KIF20B: variants seen among roughly 807,000 people sequenced by gnomAD.
KIF20B encodes the protein kinesin family member 20B.
KIF20B carries 188 observed loss-of-function variants against 232.5 expected under a neutral mutation model. The ratio of observed to expected loss-of-function variants is 0.81; its 90% confidence interval spans 0.72 to 0.91. The LOEUF (loss-of-function observed/expected upper bound fraction) is 0.91, where lower values mean the gene tolerates loss of function less well. Among genes scored for constraint, KIF20B ranks in the 40% least tolerant of loss-of-function variants. KIF20B has a pLI of 0.00. For synonymous variants in KIF20B, 712 were observed against 683.0 expected, an observed-to-expected ratio of 1.04 and a Z score of -0.66; for missense variants, 2,154 against 2,055.9, an observed-to-expected ratio of 1.05 and a Z score of -0.92.
chr10:89,739,899 T>A (rs1263383802), intron 21 of KIF20B, among the ~76,000 whole-genome samples: 1 of 152,216 alleles, frequency 6.6e-6, no homozygotes, highest in African/African-American at 2.4e-5. Flanking sequence ...TGTACAGTCG[T>A]AATTAATCAT....
chr10:89,739,488 A>T (rs1452226146), intron 21 of KIF20B, among the ~76,000 whole-genome samples: 1 of 121,644 alleles, frequency 8.2e-6, no homozygotes, highest in Non-Finnish European at 1.7e-5. Flanking sequence ...AATATAATAG[A>T]TGTATACAAT....
chr10:89,762,877 A>G, intron 29 of KIF20B, 42 bp downstream of exon 29: 1 of 1,401,930 alleles, frequency 7.1e-7, no homozygotes. Context: ...AACAAATCTT[A>G]TTATAAAGCT....
At chr10:89,731,575 C>T (rs561466029) in intron 18 of KIF20B, among the ~76,000 whole-genome samples, 4 of 152,286 alleles carry the variant, frequency 2.6e-5, no homozygotes, top group East Asian at 1.9e-4. Flanking sequence ...GCTTTTTCTA[C>T]CCAAGCATAC....
chr10:89,736,529 A>C (rs549516785), intron 19 of KIF20B, among the ~76,000 whole-genome samples: 49 of 152,292 alleles, frequency 3.2e-4, no homozygotes, highest in African/African-American at 1.1e-3. Context: ...TACAACATTT[A>C]TGTAGTCATT....
intron 19 of KIF20B, among the ~76,000 whole-genome samples, chr10:89,734,473 A>C (rs1564665585): frequency 6.6e-6 from 1 of 152,166 alleles, no homozygotes; most frequent in Admixed American, 6.5e-5. Context: ...AAACAATCAC[A>C]TAAGTTTTTT....
intron 20 of KIF20B, 121 bp downstream of exon 20, chr10:89,738,738 A>G: frequency 7.7e-7 from 1 of 1,291,990 alleles, no homozygotes. Flanking sequence ...TGATGAGTGA[A>G]GAACTTGAAC....
At position 89,758,863 on chromosome 10, in the gene KIF20B, T is replaced by C. The variant is rs146822498; in HGVS notation, c.4661T>C (p.Ile1554Thr). The C allele has an allele frequency of 5.7e-6, 9 of 1,570,366 alleles. No individual in the cohort carries two copies. In the Admixed American group the frequency reaches 7.5e-5, roughly 13 times the overall value. The change falls in exon 27 of 33, where the codon ATA becomes ACA. Residue 1554 changes from isoleucine (I) to threonine (T), a missense_variant. Transcript: ENST00000371728. ...DNEIEQLKRIISETSKIETQI... is the reference protein window; with the variant it reads ...DNEIEQLKRITSETSKIETQI... Reference sequence around the variant, plus strand: ...GAAATTGAACAACTAAAAAGGATCATATCAGAGACTTCTAAAATAGTCAGT... The same window carrying C: ...GAAATTGAACAACTAAAAAGGATCACATCAGAGACTTCTAAAATAGTCAGT...
chr10:89,747,089 A>G (rs1397031976), intron 23 of KIF20B, among the ~76,000 whole-genome samples: 1 of 152,242 alleles, frequency 6.6e-6, no homozygotes, highest in Non-Finnish European at 1.5e-5. Flanking sequence ...CTGAACGGAC[A>G]CTTCTCAAAA....
At chr10:89,734,004 A>G (rs547571629) in intron 19 of KIF20B, among the ~76,000 whole-genome samples, 2 of 152,244 alleles carry the variant, frequency 1.3e-5, no homozygotes, top group African/African-American at 2.4e-5. Context: ...GATAAATTCT[A>G]GATGGGACAG....
At chr10:89,760,494 T>C in intron 27 of KIF20B, 32 bp from the exon 28 acceptor site, 1 of 1,274,152 alleles carries the variant, frequency 7.8e-7, no homozygotes, top group Non-Finnish European at 1.1e-6. Flanking sequence ...CAGGTTACAA[T>C]GCCCTGTTGC....
intron 29 of KIF20B, among the ~76,000 whole-genome samples, chr10:89,767,219 G>A (rs1487192479): frequency 7.0e-6 from 1 of 142,606 alleles, no homozygotes; most frequent in Non-Finnish European, 1.5e-5. Flanking sequence ...TCTGTGGTAT[G>A]TGTGCAGAAT....
chr10:89,706,722 G>A (rs940405971), intron 2 of KIF20B, among the ~76,000 whole-genome samples: 2 of 151,692 alleles, frequency 1.3e-5, no homozygotes, highest in African/African-American at 4.8e-5. Flanking sequence ...TTTACAAACG[G>A]CTGTGTATAT....
In KIF20B at chr10:89,758,734, A is replaced by G; in HGVS notation, c.4532A>G (p.Lys1511Arg). 1.9e-6 allele frequency: 3 copies of G among 1,602,470 alleles called. No individual in the cohort carries two copies. The highest frequency in any genetic ancestry group is 1.1e-5 in the South Asian group (1 of 88,470). The change falls in exon 27 of 33, where the codon AAA (lysine) becomes AGA (arginine). Residue 1511 changes from lysine (K) to arginine (R), a missense_variant. Lys to Arg is a conservative substitution (Grantham distance 26, BLOSUM62 2). Transcript: ENST00000371728. The part of the protein sequence containing the change: ...MEILTAQLTE[K>R]DSDLQKWREE... ...ATACTGACAGCCCAGCTGACAGAGA[A>G]AGATAGTGACCTTCAAAAGTGGCGA...
intron 9 of KIF20B, 125 bp from the exon 10 acceptor site, chr10:89,717,298 TG>T: frequency 1.7e-6 from 1 of 603,754 alleles, no homozygotes; most frequent in Non-Finnish European, 2.9e-6. Flanking sequence ...AACAGCTAAT[TG>T]GAAAATGCAA....
At chr10:89,762,387 C>A (rs1030655243) in intron 28 of KIF20B, among the ~76,000 whole-genome samples, 13 of 152,102 alleles carry the variant, frequency 8.5e-5, no homozygotes, top group African/African-American at 3.1e-4. Context: ...GTCTTTTAAA[C>A]AAATTCTGTA....
chr10:89,740,900 C>G (rs1382210729), intron 21 of KIF20B, among the ~76,000 whole-genome samples: 1 of 152,184 alleles, frequency 6.6e-6, no homozygotes, highest in Non-Finnish European at 1.5e-5. Flanking sequence ...GTATAGATAG[C>G]AGTCCCCAGC....
chr10:89,747,108 T>C (rs1841928263), intron 23 of KIF20B, among the ~76,000 whole-genome samples: 1 of 152,176 alleles, frequency 6.6e-6, no homozygotes, highest in African/African-American at 2.4e-5. Flanking sequence ...AAGAAGACAT[T>C]TATGCAGCCA....
chr10:89,762,073 G>A (rs945920240), intron 28 of KIF20B, among the ~76,000 whole-genome samples: 1 of 152,148 alleles, frequency 6.6e-6, no homozygotes, highest in African/African-American at 2.4e-5. Context: ...TCATGGCATG[G>A]TAGCTGGTCT....
In KIF20B at chr10:89,729,227, G is replaced by A. The variant is rs976720001; in HGVS notation, c.2371G>A (p.Glu791Lys). Residue 791 changes from glutamate to lysine, a missense_variant, in exon 18 of 33, where the codon GAA becomes AAA. Coordinates refer to ENST00000371728, the MANE Select transcript of KIF20B (RefSeq NM_001284259.2). ...NEFQNLKSHM[E>K]NTFKCNDKAD... ...ATTTCAGAACCTAAAGTCTCATATG[G>A]AAAACACATTTAAATGCAATGTAAG... 4.0e-6 allele frequency: 6 copies of A among 1,490,480 alleles called. No homozygotes were observed. Among genetic ancestry groups the A allele is most frequent in the Non-Finnish European group, 5.4e-6 (6 of 1,109,796 alleles). The allele number at this position is 1,490,480 out of a possible 1,614,324, so 92.3% of individuals were successfully genotyped here.
Sources: allele counts gnomAD v4.1 joint callset (sites outside exome capture counted in the v4.1 genomes callset), GRCh38; gene constraint gnomAD v4.1.1; transcripts MANE v1.5; gene names NCBI Gene and HGNC (gene_info 2026-07-23, HGNC 2026-07-21).